CCDC7: variants seen among roughly 807,000 people sequenced by gnomAD.
The protein encoded by CCDC7 is coiled-coil domain containing 7.
CCDC7 carries 183 observed loss-of-function variants against 196.9 expected under a neutral mutation model. The observed-to-expected ratio is 0.93, with a 90% CI of 0.82 to 1.05. The LOEUF (loss-of-function observed/expected upper bound fraction) is 1.05, where lower values mean the gene tolerates loss of function less well. CCDC7 is among the 50% of genes least tolerant of loss of function. CCDC7 has a pLI of 0.00. For missense variants in CCDC7, 1,540 were observed against 1,482.2 expected (o/e 1.04, Z -0.64); for synonymous variants, 525 against 484.6 (o/e 1.08, Z -1.10).
exon 26 of CCDC7, chr10:32,726,752 T>C (rs1272191935): frequency 1.3e-6 from 2 of 1,595,902 alleles, no homozygotes; most frequent in East Asian, 4.5e-5. Flanking sequence ...AAAAATTCTA[T>C]GTTTGTTCAT....
At chr10:32,828,839 CT>C (rs2091788116) in intron 32 of CCDC7, among the ~76,000 whole-genome samples, 2 of 152,200 alleles carry the variant, frequency 1.3e-5, no homozygotes, top group Non-Finnish European at 2.9e-5. Context: ...ACCATCACCC[CT>C]AGTGATCCAC....
chr10:32,557,471 A>G (rs917905660), intron 13 of CCDC7, among the ~76,000 whole-genome samples: 7 of 152,098 alleles, frequency 4.6e-5, no homozygotes, highest in African/African-American at 1.7e-4. Context: ...CTTATGGGAT[A>G]CAATTATATA....
At chr10:32,806,248 C>A (rs2085823705) in intron 30 of CCDC7, among the ~76,000 whole-genome samples, 1 of 151,846 alleles carries the variant, frequency 6.6e-6, no homozygotes, top group South Asian at 2.1e-4. Context: ...AATAACATAC[C>A]CAGAAAGAAG....
chr10:32,685,657 C>A (rs1254598666), intron 21 of CCDC7, among the ~76,000 whole-genome samples: 1 of 152,064 alleles, frequency 6.6e-6, no homozygotes, highest in African/African-American at 2.4e-5. Context: ...TAATGATAAA[C>A]TTGTACATAT....
intron 9 of CCDC7, among the ~76,000 whole-genome samples, chr10:32,498,293 G>A (rs1156237812): frequency 6.6e-6 from 1 of 152,014 alleles, no homozygotes. Flanking sequence ...CTTTGCATGT[G>A]AGATGGTCTC....
In CCDC7 at chr10:32,813,961, TA is replaced by T. The variant is rs543114034; in HGVS notation, c.3098-408del. 1.1e-3 allele frequency among the ~76,000 whole-genome samples: 171 copies of T among 152,334 alleles called. 1 individual carries two copies. The highest frequency in any genetic ancestry group is 2.2e-3 in the Non-Finnish European group (150 of 68,032). On this transcript the variant is annotated intron_variant, in intron 30 of 41. Transcript: ENST00000639629. ...TATAAATACAATTTTTATTTTCATT[TA>T]TTTTTTTCTTTTTTGCGACAGAGTC...
intron 25 of CCDC7, among the ~76,000 whole-genome samples, chr10:32,724,353 A>G (rs1334486199): frequency 1.3e-5 from 2 of 152,086 alleles, no homozygotes; most frequent in African/African-American, 4.8e-5. Flanking sequence ...AACTCTGCTC[A>G]CTGCACCACT....
chr10:32,835,690 G>T (rs548687881), intron 33 of CCDC7, among the ~76,000 whole-genome samples: 1 of 152,016 alleles, frequency 6.6e-6, no homozygotes, highest in African/African-American at 2.4e-5. Flanking sequence ...TTGCAGAGTG[G>T]AGGATGAAAG....
intron 8 of CCDC7, among the ~76,000 whole-genome samples, chr10:32,477,167 T>G (rs1440180054): frequency 1.3e-5 from 2 of 152,184 alleles, no homozygotes. Flanking sequence ...TGTAAAAGTT[T>G]TATAGTTTTG....
At chr10:32,483,463 G>A (rs1210496077) in intron 8 of CCDC7, among the ~76,000 whole-genome samples, 2 of 152,158 alleles carry the variant, frequency 1.3e-5, no homozygotes, top group Admixed American at 6.5e-5. Context: ...CACTCTGATG[G>A]TAGTTTCTTT....
At chr10:32,762,427 T>C (rs1266506751) in intron 28 of CCDC7, among the ~76,000 whole-genome samples, 1 of 151,514 alleles carries the variant, frequency 6.6e-6, no homozygotes, top group Non-Finnish European at 1.5e-5. Flanking sequence ...TCACATAGAT[T>C]CAACACAGTG....
At chr10:32,664,267 A>G in intron 21 of CCDC7, 106 bp downstream of exon 22, 2 of 370,580 alleles carry the variant, frequency 5.4e-6, no homozygotes, top group East Asian at 3.8e-5. Context: ...GTTTTAATAT[A>G]TAAATTGTGG....
At chr10:32,547,880 G>T (rs1375765521) in intron 13 of CCDC7, among the ~76,000 whole-genome samples, 1 of 151,834 alleles carries the variant, frequency 6.6e-6, no homozygotes, top group East Asian at 1.9e-4. Context: ...TGAGATTTTG[G>T]TGCACCCATC....
intron 1 of CCDC7, 23 bp downstream of exon 1, chr10:32,446,420 G>T (rs1253579235): frequency 6.6e-6 from 1 of 152,216 alleles, no homozygotes; most frequent in East Asian, 1.9e-4. Flanking sequence ...GGGAGCCTCG[G>T]GAGCGGCTCC....
At chr10:32,854,406 C>T (rs761341812) in exon 41 of CCDC7, 16 of 1,593,438 alleles carry the variant, frequency 1.0e-5, no homozygotes, top group African/African-American at 6.7e-5. Flanking sequence ...TTAGGGCATT[C>T]GAAAGTTGTT....
At chr10:32,821,450 T>A (rs183854354) in intron 31 of CCDC7, among the ~76,000 whole-genome samples, 1 of 152,162 alleles carries the variant, frequency 6.6e-6, no homozygotes, top group Admixed American at 6.5e-5. Flanking sequence ...GACCCAGCCA[T>A]CCCATTACTG....
At chr10:32,861,629 A>G (rs899977391) in intron 41 of CCDC7, among the ~76,000 whole-genome samples, 1 of 152,234 alleles carries the variant, frequency 6.6e-6, no homozygotes, top group African/African-American at 2.4e-5. Context: ...CATAGTGAAC[A>G]GGCAACCTAC....
rs368403420 is a variant in CCDC7, at chr10:32,451,833, G to A, written c.191G>A (p.Arg64Gln). The change falls in exon 1 of 42, where the codon CGG becomes CAG. Residue 64 changes from arginine (R) to glutamine (Q), a missense_variant. Arg to Gln is a conservative substitution (Grantham distance 43, BLOSUM62 1). Coordinates refer to ENST00000639629, the Ensembl canonical transcript of CCDC7. ...CCACCAACAGGAGAATCCATTTTAC[G>A]GTATGCTTTGCCCATTCCATCGAGT... 7.4e-6 allele frequency: 12 copies of A among 1,614,078 alleles called. No homozygotes were observed. In the Admixed American group the frequency reaches 8.3e-5, roughly 11 times the overall value.
chr10:32,466,372 A>G (rs1192275153), intron 5 of CCDC7, among the ~76,000 whole-genome samples: 37 of 151,438 alleles, frequency 2.4e-4, no homozygotes, highest in Admixed American at 2.4e-3. Context: ...CATCACCCAC[A>G]TATTAAGCCC....
Sources: allele counts gnomAD v4.1 joint callset (sites outside exome capture counted in the v4.1 genomes callset), GRCh38; gene constraint gnomAD v4.1.1; transcripts MANE v1.5; gene names NCBI Gene and HGNC (gene_info 2026-07-23, HGNC 2026-07-21).